Variants in SYNPR observed in about 807,000 individuals in gnomAD.
The protein encoded by SYNPR is synaptoporin.
In SYNPR, 23 loss-of-function variants were observed where a neutral mutation model predicts 32.9. The ratio of observed to expected loss-of-function variants is 0.70; its 90% CI spans 0.50 to 0.99. SYNPR has a LOEUF of 0.99. SYNPR is among the 50% of genes least tolerant of loss of function. The pLI, the probability that SYNPR is intolerant of heterozygous loss-of-function variation, is 0.00. For synonymous variants in SYNPR, 146 were observed against 135.9 expected, an observed-to-expected ratio of 1.07 and a Z score of -0.52; for missense variants, 318 against 349.3, an observed-to-expected ratio of 0.91 and a Z score of 0.71.
intron 2 of SYNPR, among the ~76,000 whole-genome samples, chr3:63,458,306 A>G (rs1700521308): frequency 6.6e-6 from 1 of 152,120 alleles, no homozygotes; most frequent in Non-Finnish European, 1.5e-5. Flanking sequence ...TACATTATTT[A>G]TCTAACTCAT....
intron 5 of SYNPR, among the ~76,000 whole-genome samples, chr3:63,609,829 G>A (rs1358293277): frequency 6.6e-6 from 1 of 152,184 alleles, no homozygotes; most frequent in Non-Finnish European, 1.5e-5. Context: ...AGAATCGCTT[G>A]AACCCAGGAG....
At chr3:63,395,213 C>T (rs2088196148) in intron 2 of SYNPR, among the ~76,000 whole-genome samples, 1 of 152,082 alleles carries the variant, frequency 6.6e-6, no homozygotes, top group South Asian at 2.1e-4. Context: ...TCTGCCTAAA[C>T]CAAAAGGTTA....
At chr3:63,315,662 T>C (rs960380030) in intron 2 of SYNPR, among the ~76,000 whole-genome samples, 42 of 151,966 alleles carry the variant, frequency 2.8e-4, no homozygotes, top group African/African-American at 8.9e-4. Context: ...GTTTTCAAGG[T>C]AAACAATCAT....
intron 3 of SYNPR, among the ~76,000 whole-genome samples, chr3:63,268,912 G>A (rs988005930): frequency 2.0e-5 from 3 of 152,292 alleles, no homozygotes; most frequent in South Asian, 2.1e-4. Context: ...GCGAATGCTA[G>A]AAATTTATTT....
intron 2 of SYNPR, among the ~76,000 whole-genome samples, chr3:63,371,689 CT>C (rs1195386397): frequency 6.6e-6 from 1 of 152,242 alleles, no homozygotes; most frequent in Non-Finnish European, 1.5e-5. Context: ...TGGCCAGACT[CT>C]TTTCCACCTG....
chr3:63,567,125 C>A (rs1702803211), intron 4 of SYNPR, among the ~76,000 whole-genome samples: 1 of 152,114 alleles, frequency 6.6e-6, no homozygotes, highest in African/African-American at 2.4e-5. Flanking sequence ...ATGCAATCAG[C>A]CCTAATGTAT....
chr3:63,232,232 T>C (rs1357881639), intron 1 of SYNPR, among the ~76,000 whole-genome samples: 1 of 132,432 alleles, frequency 7.6e-6, no homozygotes, highest in Non-Finnish European at 1.6e-5. Context: ...GACAGAGTCT[T>C]GTTCTGTTGT....
chr3:63,268,466 T>C (rs1001639216), intron 3 of SYNPR, among the ~76,000 whole-genome samples: 2 of 152,218 alleles, frequency 1.3e-5, no homozygotes, highest in Admixed American at 1.3e-4. Flanking sequence ...ACCGGAAGCC[T>C]TACCGGCAGC....
At chr3:63,240,519 TG>T (rs1306767114) in intron 1 of SYNPR, among the ~76,000 whole-genome samples, 2 of 151,996 alleles carry the variant, frequency 1.3e-5, no homozygotes, top group Non-Finnish European at 2.9e-5. Context: ...ACCGGTCTTT[TG>T]TGTGGAGCAA....
chr3:63,521,068 G>C (rs1166272974), intron 3 of SYNPR, among the ~76,000 whole-genome samples: 3 of 152,180 alleles, frequency 2.0e-5, no homozygotes, highest in Non-Finnish European at 1.5e-5. Flanking sequence ...CCTGAAAAGA[G>C]GGTGATACAC....
intron 2 of SYNPR, among the ~76,000 whole-genome samples, chr3:63,478,028 G>C (rs1700965071): frequency 6.6e-6 from 1 of 152,196 alleles, no homozygotes; most frequent in Non-Finnish European, 1.5e-5. Flanking sequence ...TGAGGACTAT[G>C]GGGAAGGGAG....
intron 2 of SYNPR, among the ~76,000 whole-genome samples, chr3:63,428,290 G>T (rs1156282354): frequency 3.9e-5 from 6 of 152,234 alleles, no homozygotes; most frequent in Non-Finnish European, 8.8e-5. Flanking sequence ...GAAAATTCAG[G>T]ATTTGAAATC....
chr3:63,226,831 A>G (rs1284510507), upstream of SYNPR, among the ~76,000 whole-genome samples: 3 of 152,168 alleles, frequency 2.0e-5, no homozygotes, highest in African/African-American at 4.8e-5. Flanking sequence ...AAAATACTGT[A>G]TACTTCAGAA....
At chr3:63,524,270 T>C (rs1314427554) in intron 3 of SYNPR, among the ~76,000 whole-genome samples, 1 of 152,186 alleles carries the variant, frequency 6.6e-6, no homozygotes, top group East Asian at 1.9e-4. Flanking sequence ...TTCTACACTT[T>C]GAGAAATACT....
chr3:63,546,912 T>C (rs981425596), intron 3 of SYNPR, among the ~76,000 whole-genome samples: 2 of 152,160 alleles, frequency 1.3e-5, no homozygotes, highest in Non-Finnish European at 2.9e-5. Context: ...CTGTTTTTGA[T>C]TCAACCAAGG....
intron 2 of SYNPR, among the ~76,000 whole-genome samples, chr3:63,331,178 G>A (rs1453446702): frequency 6.6e-6 from 1 of 152,094 alleles, no homozygotes; most frequent in Non-Finnish European, 1.5e-5. Context: ...TCTAGATGAA[G>A]CCTCAGGATT....
At chr3:63,568,177 A>G (rs1702825797) in intron 4 of SYNPR, among the ~76,000 whole-genome samples, 2 of 152,366 alleles carry the variant, frequency 1.3e-5, no homozygotes, top group South Asian at 4.1e-4. Context: ...AATTAAATAA[A>G]ATAGAAGTTA....
At chr3:63,464,075 G>C (rs564447436) in intron 2 of SYNPR, among the ~76,000 whole-genome samples, 1 of 152,176 alleles carries the variant, frequency 6.6e-6, no homozygotes, top group Non-Finnish European at 1.5e-5. Flanking sequence ...TTAGAGTAAA[G>C]AAGGGATGCA....
At chr3:63,331,357 A>T (rs943182014) in intron 2 of SYNPR, among the ~76,000 whole-genome samples, 1 of 152,234 alleles carries the variant, frequency 6.6e-6, no homozygotes, top group Non-Finnish European at 1.5e-5. Context: ...ATAATAAAGC[A>T]TAACCACAGG....
Sources: gnomAD v4.1 joint callset for allele counts (sites outside exome capture counted in the v4.1 genomes callset) on GRCh38, gnomAD v4.1.1 for gene constraint, MANE v1.5 for transcripts, NCBI Gene and HGNC (gene_info 2026-07-23, HGNC 2026-07-21) for gene names.